The following CDH18 variants were observed in gnomAD, a reference collection of about 807,000 sequenced individuals.
The protein encoded by CDH18 is cadherin 18, also known as cadherin-18.
In CDH18, 31 loss-of-function variants were observed where a neutral mutation model predicts 67.9. The ratio of observed to expected loss-of-function variants is 0.46; its 90% CI spans 0.34 to 0.62. The LOEUF (loss-of-function observed/expected upper bound fraction) is 0.62, where lower values mean the gene tolerates loss of function less well. Among genes scored for constraint, CDH18 ranks in the 20% least tolerant of loss-of-function variants. CDH18 has a pLI of 0.01. For synonymous variants in CDH18, 362 were observed against 347.2 expected, an observed-to-expected ratio of 1.04 and a Z score of -0.48; for missense variants, 890 against 975.5, an observed-to-expected ratio of 0.91 and a Z score of 1.17.
chr5:20,394,653 G>A (rs879182538), intron 1 of CDH18, among the ~76,000 whole-genome samples: 4 of 152,030 alleles, frequency 2.6e-5, no homozygotes, highest in Admixed American at 6.6e-5. Context: ...ATAACCCAAA[G>A]AATGGGAGAA....
chr5:19,793,045 A>G (rs1245749622), intron 3 of CDH18, among the ~76,000 whole-genome samples: 1 of 152,116 alleles, frequency 6.6e-6, no homozygotes, highest in Non-Finnish European at 1.5e-5. Flanking sequence ...TGGGTAATCA[A>G]TGAATGATAA....
chr5:20,338,898 T>C (rs938929924), intron 1 of CDH18, among the ~76,000 whole-genome samples: 3 of 152,204 alleles, frequency 2.0e-5, no homozygotes, highest in Non-Finnish European at 4.4e-5. Context: ...AGTGGAGAGC[T>C]AGGGCTTTGC....
intron 3 of CDH18, among the ~76,000 whole-genome samples, chr5:19,809,679 GTGT>G (rs1297526786): frequency 2.6e-5 from 4 of 152,182 alleles, no homozygotes; most frequent in South Asian, 4.1e-4. Flanking sequence ...TTATATTTTA[GTGT>G]TGTTGTTGTT....
chr5:19,596,314 C>T (rs1238497972), intron 6 of CDH18, among the ~76,000 whole-genome samples: 3 of 152,152 alleles, frequency 2.0e-5, no homozygotes, highest in Non-Finnish European at 4.4e-5. Flanking sequence ...CCTGAAAAGT[C>T]ACATCTATAA....
intron 2 of CDH18, among the ~76,000 whole-genome samples, chr5:19,847,758 G>A (rs954570759): frequency 2.7e-5 from 4 of 148,148 alleles, no homozygotes; most frequent in African/African-American, 9.8e-5. Flanking sequence ...CTAAGATTCC[G>A]CAGATCACTC....
At position 19,838,844 on chromosome 5, in the gene CDH18, T is replaced by A. The variant is rs765370372; in HGVS notation, c.143A>T (p.His48Leu). 3 of 1,613,980 alleles carry A rather than the reference T, an allele frequency of 1.9e-6. No individual in the cohort carries two copies. In the East Asian group the frequency reaches 6.7e-5, roughly 36 times the overall value. The stretch of plus-strand genomic sequence containing the variant: ...TACCCATCCCCTTTTGGGACGATGA[T>A]GGACTTCGGTTTCACCTTCAATGTG... ...TKHIEGETEV[H>L]HRPKRGWVWN... Residue 48 changes from histidine to leucine, a missense_variant, in exon 3 of 13, where the codon CAT becomes CTT. Around this residue, in one of 2 missense-constraint regions of CDH18, gnomAD observed 234 missense variants for 307.4 expected, o/e 0.76. Coordinates refer to ENST00000382275, the MANE Select transcript of CDH18 (RefSeq NM_004934.5).
At chr5:20,411,358 C>T (rs111716857) in intron 1 of CDH18, among the ~76,000 whole-genome samples, 71 of 151,808 alleles carry the variant, frequency 4.7e-4, no homozygotes, top group Non-Finnish European at 9.0e-4. Flanking sequence ...AAAAGAGTAT[C>T]TTCAACTAAT....
chr5:19,599,911 A>C (rs575877919), intron 6 of CDH18, among the ~76,000 whole-genome samples: 3 of 152,102 alleles, frequency 2.0e-5, no homozygotes, highest in East Asian at 3.9e-4. Flanking sequence ...AAAAACAAAA[A>C]CAAAACCAAA....
chr5:20,516,754 C>G (rs1280099413), intron 1 of CDH18, among the ~76,000 whole-genome samples: 9 of 151,868 alleles, frequency 5.9e-5, no homozygotes, highest in Admixed American at 4.6e-4. Flanking sequence ...CTATTTATAA[C>G]AATTTATACC....
At chr5:20,441,018 T>G (rs375315414) in intron 1 of CDH18, among the ~76,000 whole-genome samples, 1 of 152,038 alleles carries the variant, frequency 6.6e-6, no homozygotes, top group Non-Finnish European at 1.5e-5. Context: ...GGTAACAGAT[T>G]GGAAAGTCAG....
chr5:19,473,242 G>T lies in CDH18; in HGVS notation c.2357C>A (p.Ser786Tyr), dbSNP rs750704371. The T allele has an allele frequency of 6.2e-7, 1 of 1,613,120 alleles. No individual in the cohort carries two copies. Among genetic ancestry groups the T allele is most frequent in the South Asian group, 1.1e-5 (1 of 91,056 alleles). The change falls in exon 13 of 13, where the codon TCT becomes TAT. Residue 786 changes from serine (S) to tyrosine (Y), a missense_variant. Ser to Tyr is a moderately radical substitution (Grantham distance 144). Around this residue, in one of 2 missense-constraint regions of CDH18, gnomAD observed 656 missense variants for 668.1 expected, o/e 0.98. Coordinates refer to ENST00000382275, the MANE Select transcript of CDH18 (RefSeq NM_004934.5). ...KLAELYGEIE[S>Y]ERTT is the part of the protein sequence containing the mutation. ...ACTGACCCCCTAAGTTGTTCTTTCA[G>T]ATTCTATTTCTCCATAGAGTTCAGC...
chr5:19,974,108 T>C (rs900004555), intron 2 of CDH18, among the ~76,000 whole-genome samples: 1 of 151,982 alleles, frequency 6.6e-6, no homozygotes, highest in African/African-American at 2.4e-5. Flanking sequence ...GGTTAGAACA[T>C]ATAGGATCTG....
rs765829439 is a variant in CDH18, at chr5:19,746,974, T to G, written c.491A>C (p.Tyr164Ser). 6.2e-7 allele frequency: 1 copy of G among 1,614,040 alleles called. No homozygotes were observed. The highest frequency in any genetic ancestry group is 8.5e-7 in the Non-Finnish European group (1 of 1,180,008). ...DNAPKFTDGP[Y>S]IVTVPEMSDM... ...TGACATTTCAGGCACAGTAACAATGTATGGTCCATCTGTGAATTTTGGAGC... is the reference window on the plus strand; with the variant it reads ...TGACATTTCAGGCACAGTAACAATGGATGGTCCATCTGTGAATTTTGGAGC... The change falls in exon 4 of 13, where the codon TAC becomes TCC. Residue 164 changes from tyrosine to serine, a missense_variant. Around this residue, in one of 2 missense-constraint regions of CDH18, gnomAD observed 234 missense variants for 307.4 expected, o/e 0.76. Transcript: ENST00000382275.
At chr5:19,875,446 C>CCATCTATA (rs1561488793) in intron 2 of CDH18, among the ~76,000 whole-genome samples, 3 of 140,388 alleles carry the variant, frequency 2.1e-5, no homozygotes, top group East Asian at 2.0e-4. Flanking sequence ...ATAGATCGAT[C>CCATCTATA]GATCTATAGA....
intron 1 of CDH18, among the ~76,000 whole-genome samples, chr5:20,556,528 C>T (rs996159701): frequency 2.0e-5 from 3 of 152,144 alleles, no homozygotes; most frequent in African/African-American, 7.2e-5. Flanking sequence ...TCTCTTACTA[C>T]TGTATCCTCA....
chr5:20,415,246 G>T (rs1212152061), intron 1 of CDH18, among the ~76,000 whole-genome samples: 2 of 152,074 alleles, frequency 1.3e-5, no homozygotes, highest in Non-Finnish European at 2.9e-5. Context: ...AATTAGCCAT[G>T]CATGGTGGTG....
At chr5:19,779,894 C>T (rs1340340800) in intron 3 of CDH18, among the ~76,000 whole-genome samples, 3 of 152,082 alleles carry the variant, frequency 2.0e-5, no homozygotes, top group East Asian at 3.9e-4. Flanking sequence ...CAAAATAAGA[C>T]ATAGACTAAC....
intron 3 of CDH18, among the ~76,000 whole-genome samples, chr5:19,826,764 A>G (rs1344351660): frequency 1.3e-5 from 2 of 152,196 alleles, no homozygotes; most frequent in Non-Finnish European, 2.9e-5. Context: ...TACCATTACC[A>G]GCCAGAACAA....
At chr5:20,157,965 T>A (rs1462973364) in intron 2 of CDH18, among the ~76,000 whole-genome samples, 3 of 152,092 alleles carry the variant, frequency 2.0e-5, no homozygotes, top group African/African-American at 7.2e-5. Context: ...CCTCACCTAC[T>A]CCCTCTTCCC....
Sources: allele counts gnomAD v4.1 joint callset (sites outside exome capture counted in the v4.1 genomes callset), GRCh38; gene constraint gnomAD v4.1.1; regional missense constraint gnomAD v4.1.1; transcripts MANE v1.5; gene names NCBI Gene and HGNC (gene_info 2026-07-23, HGNC 2026-07-21).